The following FAT4 variants were observed in gnomAD, a reference collection of about 807,000 sequenced individuals.
FAT4 encodes the protein protocadherin Fat 4.
Under a neutral mutation model 303.9 loss-of-function variants are expected in FAT4, and 84 were observed. The observed-to-expected ratio is 0.28, with a 90% CI of 0.23 to 0.33. The LOEUF (loss-of-function observed/expected upper bound fraction) is 0.33, where lower values mean the gene tolerates loss of function less well. FAT4 is among the 10% of genes least tolerant of loss of function. The probability of loss-of-function intolerance (pLI) is 1.00; values close to 1 mark genes in which losing one functional copy is unlikely to be tolerated. For missense variants in FAT4, 6,005 were observed against 6,146.8 expected (o/e 0.98, Z 0.77); for synonymous variants, 2,307 against 2,298.8 (o/e 1.00, Z -0.10).
intron 2 of FAT4, among the ~76,000 whole-genome samples, chr4:125,380,406 T>C (rs1733495497): frequency 6.6e-6 from 1 of 152,200 alleles, no homozygotes; most frequent in South Asian, 2.1e-4. Context: ...CAATGTAATG[T>C]AGAGGTGTTT....
chr4:125,490,467 A>G lies in FAT4; in HGVS notation c.13651A>G (p.Lys4551Glu). The G allele has an allele frequency of 6.2e-7, 1 of 1,614,086 alleles. No individual in the cohort carries two copies. ...GAAGAAACCGAAGGAGAAGAAGAAA[A>G]AGGGAAGTGAGAACGTTGCTTTTGA... is the stretch of plus-strand genomic sequence containing the variant. ...EEKKPKEKKK[K>E]GSENVAFDDP... Residue 4551 changes from lysine (K) to glutamate (E), a missense_variant, in exon 18 of 18, where the codon AAG becomes GAG. Physicochemically the swap from Lys to Glu is moderately conservative, Grantham distance 56 (BLOSUM62 1). Coordinates refer to ENST00000394329, the MANE Select transcript of FAT4 (RefSeq NM_001291303.3).
At chr4:125,386,916 G>C (rs1733771684) in intron 2 of FAT4, among the ~76,000 whole-genome samples, 1 of 152,114 alleles carries the variant, frequency 6.6e-6, no homozygotes, top group African/African-American at 2.4e-5. Flanking sequence ...CCACATACTG[G>C]GTGGGAGGGT....
Position 125,490,799 on chromosome 4 carries a change from T to C in FAT4, c.13983T>C (p.Phe4661=), listed in dbSNP as rs772530215. The C allele has an allele frequency of 1.2e-5, 20 of 1,614,098 alleles. No homozygotes were observed. The highest frequency in any genetic ancestry group is 1.7e-5 in the Non-Finnish European group (20 of 1,180,024). ...TCCAGAGGCACAGTCCCCTAGGCTT[T>C]GCAAGGCAATCCCCCATGCCCTTAG... The part of the protein sequence containing the change: ...FSIQRHSPLG[F]ARQSPMPLGA... The change falls in exon 18 of 18, where the codon TTT becomes TTC. Residue 4661 remains phenylalanine (F), a synonymous_variant. Coordinates refer to ENST00000394329, the MANE Select transcript of FAT4 (RefSeq NM_001291303.3).
At chr4:125,366,308 G>A (rs994856296) in intron 2 of FAT4, among the ~76,000 whole-genome samples, 5 of 152,010 alleles carry the variant, frequency 3.3e-5, no homozygotes, top group African/African-American at 1.2e-4. Flanking sequence ...GTGTTTATAT[G>A]TTCTCCTCAT....
At position 125,315,014 on chromosome 4, in the gene FAT4, G is replaced by A. The variant is rs1730488143; in HGVS notation, c.-976G>A. ...AAGTTTCTGAGTGCTGCTCCAGCTC[G>A]CGGTCTTCCCTCCCCCTCTGTTTGT... On this transcript the variant is annotated 5_prime_UTR_variant, in exon 1 of 18. Transcript: ENST00000394329. Among the ~76,000 whole-genome samples the A allele has an allele frequency of 2.6e-5, 4 of 152,088 alleles. No homozygotes were observed. Among genetic ancestry groups the A allele is most frequent in the African/African-American group, 9.7e-5 (4 of 41,406 alleles).
At chr4:125,443,286 A>C (rs1442244789) in intron 8 of FAT4, among the ~76,000 whole-genome samples, 1 of 152,184 alleles carries the variant, frequency 6.6e-6, no homozygotes, top group Non-Finnish European at 1.5e-5. Context: ...CAAATTAGAA[A>C]ATAATTTAAC....
chr4:125,329,685 C>T (rs1256897005), intron 2 of FAT4, among the ~76,000 whole-genome samples: 2 of 152,180 alleles, frequency 1.3e-5, no homozygotes, highest in Non-Finnish European at 2.9e-5. Flanking sequence ...TATAACCAAT[C>T]ACTTATTCAT....
chr4:125,340,601 T>A (rs1426365453), intron 2 of FAT4, among the ~76,000 whole-genome samples: 1 of 152,208 alleles, frequency 6.6e-6, no homozygotes, highest in East Asian at 1.9e-4. Flanking sequence ...TTAGCCAGGA[T>A]GGTCTCGATC....
At chr4:125,435,885 C>G (rs1481459907) in intron 8 of FAT4, among the ~76,000 whole-genome samples, 5 of 152,068 alleles carry the variant, frequency 3.3e-5, no homozygotes, top group African/African-American at 1.2e-4. Context: ...CGGAGAGAAA[C>G]CAGTGCACCA....
At chr4:125,332,821 G>C (rs1439943551) in intron 2 of FAT4, among the ~76,000 whole-genome samples, 1 of 152,056 alleles carries the variant, frequency 6.6e-6, no homozygotes. Context: ...CTTTTTAAGT[G>C]AAGATTTTCT....
chr4:125,460,163 G>A (rs1469710962), intron 10 of FAT4, among the ~76,000 whole-genome samples: 1 of 151,900 alleles, frequency 6.6e-6, no homozygotes, highest in Non-Finnish European at 1.5e-5. Context: ...TCTTTAAATG[G>A]AGAACTCAAT....
chr4:125,328,215 T>C lies in FAT4; in HGVS notation c.5175+6629T>C, dbSNP rs115134428. On this transcript the variant is annotated intron_variant, in intron 2 of 17. Transcript: ENST00000394329. ...AGTATGTTGACTGAGAAGGAGAGTATAGGGAATGCAGACAGGTGAAAATAT... is the reference window on the plus strand; with the variant it reads ...AGTATGTTGACTGAGAAGGAGAGTACAGGGAATGCAGACAGGTGAAAATAT... Among the ~76,000 whole-genome samples the C allele has an allele frequency of 2.6e-3, 389 of 152,320 alleles. 3 individuals are homozygous for C. The highest frequency in any genetic ancestry group is 6.8e-3 in the African/African-American group (281 of 41,578).
intron 11 of FAT4, 85 bp downstream of exon 11, chr4:125,463,752 G>A: frequency 1.5e-6 from 1 of 666,232 alleles, no homozygotes; most frequent in South Asian, 2.8e-5. Flanking sequence ...GAGTATGAAA[G>A]ACCAAAAAAT....
rs147314754 is a variant in FAT4, at chr4:125,415,057, A to G, written c.6094A>G (p.Thr2032Ala). The G allele has an allele frequency of 3.1e-4, 507 of 1,614,076 alleles. No individual in the cohort carries two copies. The highest frequency in any genetic ancestry group is 4.1e-4 in the Non-Finnish European group (488 of 1,179,970). ...DLPQIPASRF[T>A]STAQVSIILL... is the part of the protein sequence containing the mutation. Reference sequence around the variant, plus strand: ...GCCACAGATTCCAGCCTCCAGATTCACAAGCACTGCTCAAGTCTCCATTAT... The same window carrying G: ...GCCACAGATTCCAGCCTCCAGATTCGCAAGCACTGCTCAAGTCTCCATTAT... The change falls in exon 6 of 18, where the codon ACA (threonine) becomes GCA (alanine). Residue 2032 changes from threonine to alanine, a missense_variant. Coordinates refer to ENST00000394329, the MANE Select transcript of FAT4 (RefSeq NM_001291303.3).
Position 125,398,935 on chromosome 4 carries a change from G to C in FAT4, c.5307+20G>C. On this transcript the variant is annotated intron_variant, in intron 3 of 17. Coordinates refer to ENST00000394329, the MANE Select transcript of FAT4 (RefSeq NM_001291303.3). ...GATGAGGTAGCTCAAGCATGTCTCT[G>C]AATTTGTGAAACTTCGTAGTGCAGT... is the stretch of plus-strand genomic sequence containing the variant. 6.2e-7 allele frequency: 1 copy of C among 1,611,586 alleles called. No homozygotes were observed. Among genetic ancestry groups the C allele is most frequent in the Non-Finnish European group, 8.5e-7 (1 of 1,178,302 alleles).
At chr4:125,482,973 C>G (rs1460882385) in intron 16 of FAT4, among the ~76,000 whole-genome samples, 2 of 152,152 alleles carry the variant, frequency 1.3e-5, no homozygotes, top group African/African-American at 4.8e-5. Context: ...GAGACATTTT[C>G]AATTGTCACG....
At chr4:125,469,081 T>C (rs1227011824) in intron 12 of FAT4, among the ~76,000 whole-genome samples, 1 of 152,376 alleles carries the variant, frequency 6.6e-6, no homozygotes, top group East Asian at 1.9e-4. Flanking sequence ...GTCAGGACTA[T>C]ACTTAAAATA....
At chr4:125,437,644 G>A (rs1725506474) in intron 8 of FAT4, among the ~76,000 whole-genome samples, 1 of 152,068 alleles carries the variant, frequency 6.6e-6, no homozygotes, top group Non-Finnish European at 1.5e-5. Flanking sequence ...CAGGTTATGA[G>A]CTTCAAAAGG....
Position 125,407,128 on chromosome 4 carries a change from G to A in FAT4, c.5556G>A (p.Glu1852=), listed in dbSNP as rs1288043764. 6.2e-7 allele frequency: 1 copy of A among 1,611,174 alleles called. No homozygotes were observed. The highest frequency in any genetic ancestry group is 8.5e-7 in the Non-Finnish European group (1 of 1,177,698). Residue 1852 remains glutamate, a synonymous_variant, in exon 4 of 18, where the codon GAG becomes GAA. Coordinates refer to ENST00000394329, the MANE Select transcript of FAT4 (RefSeq NM_001291303.3). ...CCGTGTACTCTTTTGACATTCCTGA[G>A]GACACAATCCCTGGTAGGTGATGGG... ...SRPVYSFDIP[E]DTIPGSLVAA...
Sources: gnomAD v4.1 joint callset for allele counts (sites outside exome capture counted in the v4.1 genomes callset) on GRCh38, gnomAD v4.1.1 for gene constraint, MANE v1.5 for transcripts, NCBI Gene and HGNC (gene_info 2026-07-23, HGNC 2026-07-21) for gene names.